The following HFM1 variants were observed in gnomAD, a reference collection of about 807,000 sequenced individuals.
HFM1 encodes the protein probable ATP-dependent DNA helicase HFM1.
Under a neutral mutation model 192.1 loss-of-function variants are expected in HFM1, and 169 were observed. The observed-to-expected ratio is 0.88, with a 90% CI of 0.78 to 1.00. The LOEUF is 1.00. Ranked by LOEUF, HFM1 falls within the 50% of genes least tolerant of loss-of-function variation. The pLI, the probability that HFM1 is intolerant of heterozygous loss-of-function variation, is 0.00. For synonymous variants in HFM1, 525 were observed against 537.8 expected, an observed-to-expected ratio of 0.98 and a Z score of 0.33; for missense variants, 1,661 against 1,668.0, an observed-to-expected ratio of 1.00 and a Z score of 0.07.
intron 4 of HFM1, 57 bp downstream of exon 4, chr1:91,394,036 T>G (rs1388048407): frequency 2.1e-6 from 2 of 946,768 alleles, no homozygotes; most frequent in Non-Finnish European, 3.1e-6. Context: ...TACTTTTATA[T>G]GTACAAATAT....
At chr1:91,356,477 A>G (rs1278469673) in intron 13 of HFM1, among the ~76,000 whole-genome samples, 1 of 152,116 alleles carries the variant, frequency 6.6e-6, no homozygotes, top group Non-Finnish European at 1.5e-5. Flanking sequence ...TCAAGAGGAA[A>G]TTTTATGCAA....
At chr1:91,353,409 A>T in intron 13 of HFM1, 110 bp from the exon 14 acceptor site, 1 of 576,264 alleles carries the variant, frequency 1.7e-6, no homozygotes, top group Non-Finnish European at 3.0e-6. Context: ...TCACAATATC[A>T]TTATCTGAAA....
At chr1:91,299,617 A>C (rs1291097505) in intron 30 of HFM1, among the ~76,000 whole-genome samples, 1 of 152,236 alleles carries the variant, frequency 6.6e-6, no homozygotes, top group Non-Finnish European at 1.5e-5. Flanking sequence ...ACTAGAACTC[A>C]GGATTAAGAA....
chr1:91,315,780 G>T, intron 28 of HFM1, 35 bp downstream of exon 28: 1 of 1,531,574 alleles, frequency 6.5e-7, no homozygotes, highest in South Asian at 1.3e-5. Flanking sequence ...TATATGCTTA[G>T]AAATAAGATC....
At chr1:91,263,029 C>A (rs1272581468) in intron 36 of HFM1, among the ~76,000 whole-genome samples, 1 of 152,104 alleles carries the variant, frequency 6.6e-6, no homozygotes, top group African/African-American at 2.4e-5. Context: ...TGTATTAACT[C>A]ATTCACTAAA....
rs772612244 is a variant in HFM1, at chr1:91,273,774, T to C, written c.3710A>G (p.Gln1237Arg). Reference sequence around the variant, plus strand: ...TCCATAGATTTCAGGCTGATCCCACTGCTCCATTATAGGCAATTCAGATAT... The same window carrying C: ...TCCATAGATTTCAGGCTGATCCCACCGCTCCATTATAGGCAATTCAGATAT... ...LNISELPIMEQWDQPEIYGKV... is the reference protein window; with the variant it reads ...LNISELPIMERWDQPEIYGKV... Residue 1237 changes from glutamine to arginine, a missense_variant, in exon 34 of 39, where the codon CAG (glutamine) becomes CGG (arginine). Physicochemically the swap from Gln to Arg is conservative, Grantham distance 43. Transcript: ENST00000370425. 1.9e-5 allele frequency: 31 copies of C among 1,601,200 alleles called. No homozygotes were observed. The highest frequency in any genetic ancestry group is 1.7e-4 in the Middle Eastern group (1 of 6,050).
intron 13 of HFM1, among the ~76,000 whole-genome samples, chr1:91,361,016 T>C (rs184830265): frequency 2.6e-5 from 4 of 152,218 alleles, no homozygotes; most frequent in African/African-American, 9.6e-5. Flanking sequence ...AGAGACAATG[T>C]ACCTGAATCT....
Position 91,273,822 on chromosome 1 carries a change from A to C in HFM1, c.3669-7T>G. ...TATGTTTAAATATTCTGACCTTTAT[A>C]AAGATAAAACCATGAAAATGTTAAA... On this transcript the variant is annotated splice_polypyrimidine_tract_variant and splice_region_variant and intron_variant, in intron 33 of 38. Transcript: ENST00000370425. 1 of 1,429,090 alleles carries C rather than the reference A, an allele frequency of 7.0e-7. No individual in the cohort carries two copies. Among genetic ancestry groups the C allele is most frequent in the Non-Finnish European group, 9.8e-7 (1 of 1,021,728 alleles). The allele number at this position is 1,429,090 out of a possible 1,614,324, so 88.5% of individuals were successfully genotyped here.
intron 30 of HFM1, among the ~76,000 whole-genome samples, chr1:91,285,509 G>T (rs1246838796): frequency 1.3e-5 from 2 of 152,108 alleles, no homozygotes; most frequent in African/African-American, 2.4e-5. Flanking sequence ...AGCCTTAGTA[G>T]GGTAATCTAT....
At position 91,324,782 on chromosome 1, in the gene HFM1, G is replaced by A; in HGVS notation, c.2336-16C>T. 7.2e-7 allele frequency: 1 copy of A among 1,384,666 alleles called. No homozygotes were observed. Among genetic ancestry groups the A allele is most frequent in the South Asian group, 1.2e-5 (1 of 85,522 alleles). The allele number at this position is 1,384,666 out of a possible 1,614,324, so 85.8% of individuals were successfully genotyped here. ...CTTCCTGCTTCTGTAAGAAAAGACAGAAAAATGAACGGTCCCCTCATCAGC... is the reference window on the plus strand; with the variant it reads ...CTTCCTGCTTCTGTAAGAAAAGACAAAAAAATGAACGGTCCCCTCATCAGC... On this transcript the variant is annotated splice_polypyrimidine_tract_variant and intron_variant, in intron 20 of 38. Transcript: ENST00000370425.
intron 8 of HFM1, among the ~76,000 whole-genome samples, chr1:91,379,566 A>G (rs769803023): frequency 2.0e-5 from 3 of 152,162 alleles, no homozygotes; most frequent in South Asian, 2.1e-4. Context: ...CCTGGGCCAC[A>G]TGCAGCCTGC....
intron 34 of HFM1, among the ~76,000 whole-genome samples, chr1:91,270,782 G>A (rs1666217459): frequency 6.6e-6 from 1 of 152,074 alleles, no homozygotes; most frequent in South Asian, 2.1e-4. Context: ...TCAGAACTTA[G>A]AAAGTCACTA....
intron 1 of HFM1, among the ~76,000 whole-genome samples, chr1:91,403,781 C>A (rs1162475186): frequency 1.3e-5 from 2 of 152,042 alleles, no homozygotes; most frequent in African/African-American, 2.4e-5. Context: ...ATATTAATGA[C>A]AATCTCTAGT....
intron 5 of HFM1, 129 bp downstream of exon 5, chr1:91,385,446 A>C (rs1050324294): frequency 1.1e-5 from 9 of 809,812 alleles, no homozygotes; most frequent in Non-Finnish European, 1.8e-5. Flanking sequence ...ATGCAATATA[A>C]TAAAAAAATG....
At chr1:91,378,549 A>G (rs1661193746) in intron 9 of HFM1, 69 bp from the exon 10 acceptor site, 1 of 956,516 alleles carries the variant, frequency 1.0e-6, no homozygotes, top group African/African-American at 1.7e-5. Context: ...TAAGATATCA[A>G]AAACATTTTT....
intron 6 of HFM1, among the ~76,000 whole-genome samples, chr1:91,382,364 A>C (rs1176256207): frequency 6.6e-6 from 1 of 152,088 alleles, no homozygotes; most frequent in African/African-American, 2.4e-5. Flanking sequence ...AGTTGTTGAG[A>C]TCTAGCTTCC....
At chr1:91,303,005 T>C (rs1281301824) in intron 30 of HFM1, among the ~76,000 whole-genome samples, 3 of 152,194 alleles carry the variant, frequency 2.0e-5, no homozygotes, top group Non-Finnish European at 2.9e-5. Context: ...GACTTTTAAA[T>C]TTCTTAATTA....
At chr1:91,263,727 TA>T (rs1665396670) in intron 36 of HFM1, among the ~76,000 whole-genome samples, 1 of 152,078 alleles carries the variant, frequency 6.6e-6, no homozygotes, top group Non-Finnish European at 1.5e-5. Context: ...TACTCTACCT[TA>T]AATAAGTAAA....
chr1:91,389,387 C>T (rs1330570170), intron 4 of HFM1, among the ~76,000 whole-genome samples: 1 of 152,124 alleles, frequency 6.6e-6, no homozygotes, highest in Non-Finnish European at 1.5e-5. Flanking sequence ...GTCTCGAACT[C>T]CTGACCTTGT....
Sources: gnomAD v4.1 joint callset for allele counts (sites outside exome capture counted in the v4.1 genomes callset) on GRCh38, gnomAD v4.1.1 for gene constraint, MANE v1.5 for transcripts, NCBI Gene and HGNC (gene_info 2026-07-23, HGNC 2026-07-21) for gene names.